Variants in ACBD6 observed in about 807,000 individuals in gnomAD.
The protein encoded by ACBD6 is acyl-CoA-binding domain-containing protein 6.
A neutral mutation model predicts 37.2 loss-of-function variants in ACBD6; 28 were observed. The observed-to-expected ratio is 0.75, with a 90% CI of 0.56 to 1.03. The LOEUF (loss-of-function observed/expected upper bound fraction) is 1.03. Ranked by LOEUF, ACBD6 falls within the 50% of genes least tolerant of loss-of-function variation. ACBD6 has a pLI of 0.00. For missense variants in ACBD6, 340 were observed against 337.4 expected (o/e 1.01, Z -0.06); for synonymous variants, 113 against 126.8 (o/e 0.89, Z 0.73).
chr1:180,364,924 AG>A (rs1652996559), intron 6 of ACBD6, among the ~76,000 whole-genome samples: 1 of 151,998 alleles, frequency 6.6e-6, no homozygotes, highest in East Asian at 1.9e-4. Flanking sequence ...TAATAGAGAC[AG>A]GGTTTCGCCG....
chr1:180,294,393 C>T (rs1380070168), intron 7 of ACBD6, among the ~76,000 whole-genome samples: 2 of 151,810 alleles, frequency 1.3e-5, no homozygotes, highest in Admixed American at 1.3e-4. Flanking sequence ...CAAAAATTAG[C>T]CGGGCATGGT....
exon 14 of ACBD6, chr1:180,271,540 A>T: frequency 6.2e-7 from 1 of 1,614,006 alleles, no homozygotes; most frequent in Non-Finnish European, 8.5e-7. Context: ...TACAGGTGAG[A>T]TGCCAGCACT....
chr1:180,473,251 T>A (rs1400983023), intron 3 of ACBD6, among the ~76,000 whole-genome samples: 1 of 151,810 alleles, frequency 6.6e-6, no homozygotes, highest in East Asian at 1.9e-4. Flanking sequence ...ATCGAGACCA[T>A]CCTGGCTAAA....
intron 6 of ACBD6, among the ~76,000 whole-genome samples, chr1:180,380,042 C>CT (rs1261196729): frequency 6.6e-6 from 1 of 152,136 alleles, no homozygotes; most frequent in Non-Finnish European, 1.5e-5. Flanking sequence ...AGGAGGATCA[C>CT]TTGAACCCAG....
intron 6 of ACBD6, among the ~76,000 whole-genome samples, chr1:180,357,343 T>C (rs1000745803): frequency 9.9e-5 from 15 of 152,222 alleles, no homozygotes; most frequent in African/African-American, 2.9e-4. Context: ...TAAATTTATG[T>C]TCCTCGATAC....
At chr1:180,327,389 G>A (rs946655392) in intron 6 of ACBD6, among the ~76,000 whole-genome samples, 2 of 152,154 alleles carry the variant, frequency 1.3e-5, no homozygotes, top group African/African-American at 4.8e-5. Context: ...GGGCTGCTGC[G>A]GGATTGAGAA....
At chr1:180,475,658 T>C (rs1483443236) in intron 3 of ACBD6, among the ~76,000 whole-genome samples, 1 of 152,212 alleles carries the variant, frequency 6.6e-6, no homozygotes, top group Non-Finnish European at 1.5e-5. Flanking sequence ...GTGCTGGGAT[T>C]ACAGGCATGA....
At chr1:180,384,377 C>T (rs1156318909) in intron 6 of ACBD6, among the ~76,000 whole-genome samples, 1 of 151,966 alleles carries the variant, frequency 6.6e-6, no homozygotes, top group Non-Finnish European at 1.5e-5. Context: ...AGTAGACAAA[C>T]AAATAGCTAA....
intron 8 of ACBD6, among the ~76,000 whole-genome samples, chr1:180,282,475 C>G (rs777672576): frequency 8.5e-5 from 13 of 152,112 alleles, no homozygotes; most frequent in Non-Finnish European, 1.6e-4. Context: ...ATGGAGAGCC[C>G]AGGCAAGAAC....
chr1:180,422,137 G>T (rs1648391902), intron 4 of ACBD6, among the ~76,000 whole-genome samples: 3 of 152,038 alleles, frequency 2.0e-5, no homozygotes, highest in Admixed American at 2.0e-4. Context: ...AAAAGATATT[G>T]CACAAAATGT....
chr1:180,361,176 G>C (rs573797046), intron 6 of ACBD6, among the ~76,000 whole-genome samples: 2 of 151,954 alleles, frequency 1.3e-5, no homozygotes, highest in Admixed American at 1.3e-4. Flanking sequence ...CAGTCAAAAG[G>C]GTTTTAATTT....
intron 3 of ACBD6, chr1:180,435,086 C>T: frequency 1.3e-6 from 1 of 783,928 alleles, no homozygotes; most frequent in South Asian, 1.3e-5. Context: ...AGCTTACCTT[C>T]AATTCATCCT....
At chr1:180,280,456 T>C (rs1180997755) in intron 9 of ACBD6, among the ~76,000 whole-genome samples, 1 of 152,238 alleles carries the variant, frequency 6.6e-6, no homozygotes, top group Non-Finnish European at 1.5e-5. Context: ...CACTGGGTTG[T>C]TGTGACTTAA....
chr1:180,455,543 A>T (rs746401226), intron 3 of ACBD6, among the ~76,000 whole-genome samples: 1 of 152,066 alleles, frequency 6.6e-6, no homozygotes, highest in Non-Finnish European at 1.5e-5. Flanking sequence ...AAACTAGGAA[A>T]CTTATTATCA....
chr1:180,303,424 A>G (rs1571336730), intron 7 of ACBD6, among the ~76,000 whole-genome samples: 1 of 150,976 alleles, frequency 6.6e-6, no homozygotes, highest in South Asian at 2.1e-4. Flanking sequence ...TAAAGGGGAC[A>G]TCACCACCAA....
intron 3 of ACBD6, among the ~76,000 whole-genome samples, chr1:180,484,345 C>T (rs1258021698): frequency 2.0e-5 from 3 of 152,000 alleles, no homozygotes; most frequent in African/African-American, 7.2e-5. Flanking sequence ...ATAAATTTTG[C>T]CAAAAAACAA....
intron 4 of ACBD6, among the ~76,000 whole-genome samples, chr1:180,428,264 T>C (rs941327980): frequency 3.3e-5 from 5 of 152,216 alleles, no homozygotes; most frequent in African/African-American, 1.2e-4. Flanking sequence ...ATTCAATTAA[T>C]ATTTATTAAA....
intron 6 of ACBD6, among the ~76,000 whole-genome samples, chr1:180,346,625 G>C (rs891905354): frequency 6.6e-6 from 1 of 152,220 alleles, no homozygotes; most frequent in Non-Finnish European, 1.5e-5. Flanking sequence ...GAAGACTTAT[G>C]AAGCCTTGAG....
intron 6 of ACBD6, 126 bp downstream of exon 6, chr1:180,397,390 A>G: frequency 1.1e-6 from 1 of 871,932 alleles, no homozygotes; most frequent in Non-Finnish European, 1.9e-6. Flanking sequence ...CAATGATTAC[A>G]CAACATTGTG....
Sources: gnomAD v4.1 joint callset for allele counts (sites outside exome capture counted in the v4.1 genomes callset) on GRCh38, gnomAD v4.1.1 for gene constraint, MANE v1.5 for transcripts, NCBI Gene and HGNC (gene_info 2026-07-23, HGNC 2026-07-21) for gene names.